SMG1: variants seen among roughly 807,000 people sequenced by gnomAD.
SMG1 encodes SMG1 nonsense mediated mRNA decay associated PI3K related kinase.
In SMG1, 22 loss-of-function variants were observed where a neutral mutation model predicts 419.9. That is an observed-to-expected ratio of 0.05 (90% CI 0.04 to 0.07). The LOEUF is 0.07. SMG1 is among the 10% of genes least tolerant of loss of function. SMG1 has a pLI of 1.00. For synonymous variants in SMG1, 1,538 were observed against 1,553.5 expected, an observed-to-expected ratio of 0.99 and a Z score of 0.23; for missense variants, 3,185 against 4,342.0, an observed-to-expected ratio of 0.73 and a Z score of 7.49.
Position 18,919,429 on chromosome 16 carries a change from C to A in SMG1, c.92+6521G>T, listed in dbSNP as rs11643786. 1.6e-3 allele frequency among the ~76,000 whole-genome samples: 239 copies of A among 151,396 alleles called. 1 individual carries two copies. The highest frequency in any genetic ancestry group is 2.8e-3 in the Non-Finnish European group (192 of 67,802). Reference sequence around the variant, plus strand: ...CATGACATCAGAAGATCAAGACCATCCTGGCTAACACGGTGAAACCCCATC... The same window carrying A: ...CATGACATCAGAAGATCAAGACCATACTGGCTAACACGGTGAAACCCCATC... On this transcript the variant is annotated intron_variant, in intron 1 of 62. Transcript: ENST00000446231.
In SMG1 at chr16:18,925,150, A is replaced by C. The variant is rs1054143422; in HGVS notation, c.92+800T>G. On this transcript the variant is annotated intron_variant, in intron 1 of 62. Transcript: ENST00000446231. ...ATTAGGCACAGCTGCCCTCCCATTGATCAAAAAGACAGGAAACTACATTTA... is the reference window on the plus strand; with the variant it reads ...ATTAGGCACAGCTGCCCTCCCATTGCTCAAAAAGACAGGAAACTACATTTA... 2.6e-5 allele frequency: 4 copies of C among 152,204 alleles called. 1 individual carries two copies. Among genetic ancestry groups the C allele is most frequent in the South Asian group, 4.1e-4 (2 of 4,830 alleles). 9.4% of individuals were successfully genotyped at this position (152,204 alleles called of 1,614,324 possible). A position where few individuals can be genotyped will look rare whatever the true frequency, so the allele number is the denominator to read the frequency against.
chr16:18,821,231 TTTTTTTTTTC>T (rs2032521918), intron 55 of SMG1, among the ~76,000 whole-genome samples: 7 of 83,038 alleles, frequency 8.4e-5, no homozygotes, highest in African/African-American at 2.8e-4. Flanking sequence ...CTTTTTTTTT[TTTTTTTTTTC>T]TTTTTTTTTT....
intron 6 of SMG1, among the ~76,000 whole-genome samples, chr16:18,886,000 C>A (rs952241297): frequency 2.6e-5 from 4 of 152,068 alleles, no homozygotes; most frequent in Non-Finnish European, 5.9e-5. Context: ...TTTCACTCCA[C>A]TAAGATGTTA....
At chr16:18,842,521 A>G in intron 39 of SMG1, 67 bp from the exon 40 acceptor site, 6 of 1,513,072 alleles carry the variant, frequency 4.0e-6, no homozygotes, top group Non-Finnish European at 5.4e-6. Context: ...TCCACATTCA[A>G]TATGGCATAA....
intron 1 of SMG1, among the ~76,000 whole-genome samples, chr16:18,907,089 G>A (rs531546939): frequency 7.9e-5 from 12 of 152,142 alleles, no homozygotes; most frequent in African/African-American, 2.4e-4. Context: ...TTCAAGATCC[G>A]CCTGGCCAAT....
In SMG1 at chr16:18,817,449, T is replaced by C. The variant is rs2032115598; in HGVS notation, c.9916A>G (p.Ile3306Val). 3 of 1,580,930 alleles carry C rather than the reference T, an allele frequency of 1.9e-6. No individual in the cohort carries two copies. Among genetic ancestry groups the C allele is most frequent in the African/African-American group, 1.3e-5 (1 of 74,352 alleles). ...GTTCGTAAACTTTCAAAATGAATGA[T>C]ATTGCTGCAGAGAAATGTGACCTGT... ...ASQVTFLCSNIIHFESLRTRT... is the reference protein window; with the variant it reads ...ASQVTFLCSNVIHFESLRTRT... The change falls in exon 57 of 63, where the codon ATC becomes GTC. Residue 3306 changes from isoleucine (I) to valine (V), a missense_variant. Transcript: ENST00000446231.
rs376441777 is a variant in SMG1 at position 18,885,529 on chromosome 16, T to C, written c.948+12A>G. 156 of 1,595,870 alleles carry C rather than the reference T, an allele frequency of 9.8e-5. No individual in the cohort carries two copies. Among genetic ancestry groups the C allele is most frequent in the Middle Eastern group, 4.5e-4 (2 of 4,450 alleles). On this transcript the variant is annotated intron_variant, in intron 7 of 62. Coordinates refer to ENST00000446231, the MANE Select transcript of SMG1 (RefSeq NM_015092.5). ...TCACCCCATGATCTGAAAAGCGGAATGAGGAACTCACCCTAAAATTAGTGC... is the reference window on the plus strand; with the variant it reads ...TCACCCCATGATCTGAAAAGCGGAACGAGGAACTCACCCTAAAATTAGTGC...
intron 1 of SMG1, among the ~76,000 whole-genome samples, chr16:18,903,322 T>C (rs998103441): frequency 1.3e-5 from 2 of 152,170 alleles, no homozygotes; most frequent in Non-Finnish European, 2.9e-5. Context: ...CATGCATAAT[T>C]GTCTTCAGAG....
chr16:18,837,162 T>A, intron 46 of SMG1, 91 bp downstream of exon 46: 1 of 1,173,182 alleles, frequency 8.5e-7, no homozygotes, highest in East Asian at 2.5e-5. Context: ...TGTGATTTGT[T>A]ACAATAATTC....
At chr16:18,925,836 G>C in intron 1 of SMG1, 114 bp downstream of exon 1, 1 of 778,462 alleles carries the variant, frequency 1.3e-6, no homozygotes, top group Non-Finnish European at 1.9e-6. Flanking sequence ...AGCCGCGCCC[G>C]GCTCCGAGGG....
rs2031061614 is a variant in SMG1 at position 18,808,502 on chromosome 16, T to A, written c.*1067A>T. 6.6e-6 allele frequency: 1 copy of A among 152,206 alleles called. No individual in the cohort carries two copies. The highest frequency in any genetic ancestry group is 1.5e-5 in the Non-Finnish European group (1 of 68,034). The allele number at this position is 152,206 out of a possible 1,614,324, so 9.4% of individuals were successfully genotyped here. ...ATGTAAAACTCTAATAGATACTCTA[T>A]CTTGGTTTTTAAAAAGGTAAAAGAT... On this transcript the variant is annotated 3_prime_UTR_variant, in exon 63 of 63. Transcript: ENST00000446231.
At chr16:18,873,966 GAATT>G (rs1246252423) in intron 13 of SMG1, among the ~76,000 whole-genome samples, 2 of 152,180 alleles carry the variant, frequency 1.3e-5, no homozygotes, top group Admixed American at 6.5e-5. Context: ...GTTCGAAGAA[GAATT>G]TATTGTGACT....
rs781003690 is a variant in SMG1, at chr16:18,853,665, A to C, written c.4686T>G (p.Ser1562=). The C allele has an allele frequency of 2.5e-6, 4 of 1,613,050 alleles. No homozygotes were observed. The South Asian group carries it at 4.4e-5, about 18-fold the overall frequency. Reference sequence around the variant, plus strand: ...GTTCTATTAGAGTGAGTATGTTTTTAGACAAAGTAGAAAGACCTGTGAAGT... The same window carrying C: ...GTTCTATTAGAGTGAGTATGTTTTTCGACAAAGTAGAAAGACCTGTGAAGT... ...QQNFTGLSTL[S]KNILTLIELP... The change falls in exon 31 of 63, where the codon TCT becomes TCG. Residue 1562 remains serine, a synonymous_variant. Transcript: ENST00000446231.
chr16:18,923,567 A>T (rs2038278689), intron 1 of SMG1, among the ~76,000 whole-genome samples: 1 of 151,880 alleles, frequency 6.6e-6, no homozygotes, highest in Non-Finnish European at 1.5e-5. Flanking sequence ...ACCGGGAGGC[A>T]GAGGCTGCAG....
chr16:18,807,596 A>G lies in SMG1; in HGVS notation c.*1973T>C, dbSNP rs1300649809. On this transcript the variant is annotated 3_prime_UTR_variant, in exon 63 of 63. Coordinates refer to ENST00000446231, the MANE Select transcript of SMG1 (RefSeq NM_015092.5). ...CACATTCTTTCATGGGTACTTAACG[A>G]TTACAGATTAACGTGGCAATCAGAA... 6.6e-6 allele frequency: 1 copy of G among 152,190 alleles called. No individual in the cohort carries two copies. The highest frequency in any genetic ancestry group is 1.5e-5 in the Non-Finnish European group (1 of 68,024). The allele number at this position is 152,190 out of a possible 1,614,324, so 9.4% of individuals were successfully genotyped here. A position where few individuals can be genotyped will look rare whatever the true frequency, so the allele number is the denominator to read the frequency against.
chr16:18,852,197 T>A lies in SMG1; in HGVS notation c.4922A>T (p.Glu1641Val), dbSNP rs759322801. The change falls in exon 33 of 63, where the codon GAA (glutamate) becomes GTA (valine). Residue 1641 changes from glutamate to valine, a missense_variant. This residue lies in a region of SMG1 where 493 missense variants were observed against 552.9 expected (regional missense o/e 0.89). Coordinates refer to ENST00000446231, the MANE Select transcript of SMG1 (RefSeq NM_015092.5). ...RKVVDNASQG[E>V]GVRLLPREKS... The stretch of plus-strand genomic sequence containing the variant: ...TTCTCTAGGCAGCAGACGAACACCT[T>A]CTCCCTGACTATAAAAATAAACAAG... 1.2e-6 allele frequency: 2 copies of A among 1,612,256 alleles called. No individual in the cohort carries two copies. Among genetic ancestry groups the A allele is most frequent in the Non-Finnish European group, 1.7e-6 (2 of 1,179,446 alleles).
Position 18,892,366 on chromosome 16 carries a change from T to C in SMG1, c.413-12A>G. Reference sequence around the variant, plus strand: ...AGACATCGATCTCTCTGTGAATATATAAACATTTTGTTGTCCATTGAGTAT... The same window carrying C: ...AGACATCGATCTCTCTGTGAATATACAAACATTTTGTTGTCCATTGAGTAT... On this transcript the variant is annotated splice_polypyrimidine_tract_variant and intron_variant, in intron 3 of 62. Coordinates refer to ENST00000446231, the MANE Select transcript of SMG1 (RefSeq NM_015092.5). 6.5e-7 allele frequency: 1 copy of C among 1,546,458 alleles called. No homozygotes were observed. The highest frequency in any genetic ancestry group is 8.7e-7 in the Non-Finnish European group (1 of 1,144,342).
chr16:18,903,923 G>A (rs1345505682), intron 1 of SMG1, among the ~76,000 whole-genome samples: 1 of 143,670 alleles, frequency 7.0e-6, no homozygotes, highest in Non-Finnish European at 1.5e-5. Flanking sequence ...ATTTTCCAAG[G>A]TATGTCTTGT....
In SMG1 at chr16:18,845,562, G is replaced by C; in HGVS notation, c.6086C>G (p.Ala2029Gly). ...FALEHVRSIT[A>G]APAETPHEKW... ...TTCATGAGGTGTTTCTGCAGGAGCC[G>C]CTGTGATACTCCTCACATGCTCCAA... Residue 2029 changes from alanine (A) to glycine (G), a missense_variant, in exon 39 of 63, where the codon GCG (alanine) becomes GGG (glycine). Ala to Gly is a moderately conservative substitution (Grantham distance 60, BLOSUM62 0). This residue lies in a region of SMG1 where 159 missense variants were observed against 196.0 expected (regional missense o/e 0.81). Coordinates refer to ENST00000446231, the MANE Select transcript of SMG1 (RefSeq NM_015092.5). 1 of 1,613,770 alleles carries C rather than the reference G, an allele frequency of 6.2e-7. No individual in the cohort carries two copies. Among genetic ancestry groups the C allele is most frequent in the Non-Finnish European group, 8.5e-7 (1 of 1,179,848 alleles).
Sources: allele counts gnomAD v4.1 joint callset (sites outside exome capture counted in the v4.1 genomes callset), GRCh38; gene constraint gnomAD v4.1.1; regional missense constraint gnomAD v4.1.1; transcripts MANE v1.5; gene names NCBI Gene and HGNC (gene_info 2026-07-23, HGNC 2026-07-21).